The following SLC7A2 variants were observed in gnomAD, a reference collection of about 807,000 sequenced individuals.
The protein encoded by SLC7A2 is solute carrier family 7 member 2, also known as cationic amino acid transporter 2.
A neutral mutation model predicts 58.9 loss-of-function variants in SLC7A2; 48 were observed. The observed-to-expected ratio is 0.82, with a 90% confidence interval of 0.65 to 1.04. SLC7A2 has a LOEUF of 1.04. SLC7A2 is among the 50% of genes least tolerant of loss of function. The probability of loss-of-function intolerance (pLI) is 0.00; values close to 1 mark genes in which losing one functional copy is unlikely to be tolerated. For synonymous variants in SLC7A2, 363 were observed against 314.5 expected, an observed-to-expected ratio of 1.15 and a Z score of -1.63; for missense variants, 1,029 against 818.8, an observed-to-expected ratio of 1.26 and a Z score of -3.13.
chr8:17,508,231 C>A (rs2588211), intron 2 of SLC7A2, among the ~76,000 whole-genome samples: 1 of 152,216 alleles, frequency 6.6e-6, no homozygotes, highest in African/African-American at 2.4e-5. Context: ...CATTTTTTCT[C>A]TACTGAAATG....
At position 17,558,357 on chromosome 8, in the gene SLC7A2, A is replaced by G. The variant is rs1802807394; in HGVS notation, c.1258A>G (p.Met420Val). ...LVDMMSIGTL[M>V]AYSLVAACVL... ...GGACATGATGTCCATTGGCACACTC[A>G]TGGCCTACTCTCTGGTGGCAGCCTG... is the stretch of plus-strand genomic sequence containing the variant. Residue 420 changes from methionine to valine, a missense_variant, in exon 9 of 13, where the codon ATG (methionine) becomes GTG (valine). By Grantham distance (21) the Met-to-Val change is conservative. Transcript: ENST00000494857. 2 of 1,613,412 alleles carry G rather than the reference A, an allele frequency of 1.2e-6. No homozygotes were observed. The highest frequency in any genetic ancestry group is 1.3e-5 in the African/African-American group (1 of 74,876).
chr8:17,499,005 T>C (rs1354503580), intron 1 of SLC7A2: 1 of 152,180 alleles, frequency 6.6e-6, no homozygotes, highest in African/African-American at 2.4e-5. Context: ...AGTTCACGTT[T>C]CTTGCTTTGC....
At chr8:17,498,956 A>G (rs1800052063) in intron 1 of SLC7A2, 1 of 152,110 alleles carries the variant, frequency 6.6e-6, no homozygotes, top group South Asian at 2.1e-4. Context: ...ATTCTCATGT[A>G]TCTTTGCCTT....
intron 4 of SLC7A2, among the ~76,000 whole-genome samples, chr8:17,544,942 A>C (rs1026075709): frequency 1.3e-5 from 2 of 152,140 alleles, no homozygotes; most frequent in Admixed American, 6.6e-5. Flanking sequence ...ATTTCTTGGC[A>C]TTATTTCATC....
upstream of SLC7A2, among the ~76,000 whole-genome samples, chr8:17,496,675 T>TTATTA (rs891522181): frequency 2.0e-5 from 3 of 152,210 alleles, no homozygotes; most frequent in Non-Finnish European, 4.4e-5. Context: ...ATCATTGCTA[T>TTATTA]TATTATATTT....
chr8:17,529,096 G>A (rs539483233), intron 2 of SLC7A2, among the ~76,000 whole-genome samples: 4 of 152,106 alleles, frequency 2.6e-5, no homozygotes, highest in Non-Finnish European at 4.4e-5. Context: ...CATTATAAAG[G>A]CTTTAACATT....
intron 2 of SLC7A2, among the ~76,000 whole-genome samples, chr8:17,503,297 G>A (rs1195668080): frequency 3.9e-5 from 6 of 152,028 alleles, no homozygotes; most frequent in Non-Finnish European, 7.4e-5. Flanking sequence ...TGATCTGCCC[G>A]CCTCGGCCTC....
At chr8:17,540,107 T>C (rs13281010) in intron 2 of SLC7A2, among the ~76,000 whole-genome samples, 21,116 of 152,170 alleles carry the variant, frequency 0.14, 2,003 homozygotes, top group Non-Finnish European at 0.21. Context: ...GAGATACACT[T>C]TCTTCATCTG....
intron 3 of SLC7A2, among the ~76,000 whole-genome samples, chr8:17,544,050 A>C (rs1222376108): frequency 2.0e-5 from 3 of 152,024 alleles, no homozygotes; most frequent in Admixed American, 6.6e-5. Flanking sequence ...TTGCATTTTT[A>C]GTAAAGACGG....
At chr8:17,500,820 A>G (rs1800128058) in intron 1 of SLC7A2, among the ~76,000 whole-genome samples, 1 of 146,816 alleles carries the variant, frequency 6.8e-6, no homozygotes, top group African/African-American at 2.4e-5. Flanking sequence ...ACACACACAC[A>G]CACACACACA....
intron 2 of SLC7A2, among the ~76,000 whole-genome samples, chr8:17,512,819 A>G (rs1800658477): frequency 6.6e-6 from 1 of 151,966 alleles, no homozygotes; most frequent in East Asian, 1.9e-4. Context: ...CTGGCCAACC[A>G]CCATTCTACT....
chr8:17,533,012 C>A (rs921121520), intron 2 of SLC7A2, among the ~76,000 whole-genome samples: 5 of 152,016 alleles, frequency 3.3e-5, no homozygotes, highest in South Asian at 2.1e-4. Flanking sequence ...ATTTTAAGGA[C>A]CACTTTATTT....
chr8:17,552,830 A>G (rs1802515609), intron 7 of SLC7A2, among the ~76,000 whole-genome samples: 1 of 152,312 alleles, frequency 6.6e-6, no homozygotes, highest in East Asian at 1.9e-4. Context: ...ATCATGCCAC[A>G]TGGTAGAAGA....
chr8:17,529,948 A>G (rs533530131), intron 2 of SLC7A2, among the ~76,000 whole-genome samples: 1 of 152,312 alleles, frequency 6.6e-6, no homozygotes, highest in South Asian at 2.1e-4. Context: ...CATTAAAAGC[A>G]GTAGCAAAAA....
chr8:17,551,615 A>T (rs2150756079), intron 6 of SLC7A2, 149 bp from the exon 7 acceptor site: 1 of 656,974 alleles, frequency 1.5e-6, no homozygotes, highest in South Asian at 1.9e-5. Context: ...AGTAAAATAA[A>T]ATGAAATAAA....
chr8:17,507,312 C>G (rs1296452800), intron 2 of SLC7A2, among the ~76,000 whole-genome samples: 3 of 152,000 alleles, frequency 2.0e-5, no homozygotes, highest in African/African-American at 7.3e-5. Context: ...TAATGGTTAA[C>G]TATAATTTAT....
intron 8 of SLC7A2, chr8:17,555,121 G>A (rs1160826283): frequency 1.2e-6 from 2 of 1,601,044 alleles, no homozygotes; most frequent in East Asian, 2.2e-5. Flanking sequence ...GCATTAGACT[G>A]GAACATTTAA....
chr8:17,537,568 T>C (rs60334133), intron 2 of SLC7A2, among the ~76,000 whole-genome samples: 4,039 of 152,244 alleles, frequency 0.027, 184 homozygotes, highest in African/African-American at 0.093. Flanking sequence ...CTTCGGGGTA[T>C]GAAGACAGTG....
intron 2 of SLC7A2, among the ~76,000 whole-genome samples, chr8:17,519,966 T>A (rs1169523180): frequency 1.3e-5 from 2 of 152,200 alleles, no homozygotes; most frequent in East Asian, 3.9e-4. Context: ...GATTGAAACA[T>A]CTTATTCCCC....
Sources: allele counts gnomAD v4.1 joint callset (sites outside exome capture counted in the v4.1 genomes callset), GRCh38; gene constraint gnomAD v4.1.1; transcripts MANE v1.5; gene names NCBI Gene and HGNC (gene_info 2026-07-23, HGNC 2026-07-21).